Variants in TIMP3 observed in about 807,000 individuals in gnomAD.
TIMP3 encodes the protein TIMP metallopeptidase inhibitor 3.
Under a neutral mutation model 30.0 loss-of-function variants are expected in TIMP3, and 11 were observed. The observed-to-expected ratio is 0.37, with a 90% CI of 0.23 to 0.61. The LOEUF (loss-of-function observed/expected upper bound fraction) is 0.61, where lower values mean the gene tolerates loss of function less well. TIMP3 is among the 20% of genes least tolerant of loss of function. The pLI is 0.70. For missense variants in TIMP3, 181 were observed against 276.8 expected (o/e 0.65, Z 2.45); for synonymous variants, 112 against 111.3 (o/e 1.01, Z -0.04).
Position 32,832,938 on chromosome 22 carries a change from G to T in TIMP3, c.122-16514G>T, listed in dbSNP as rs148147114. ...CGTAGAGACAGGGTTTTACCTTGTT[G>T]CCCAGGCTGGTCTCGCACTCCTGAG... On this transcript the variant is annotated intron_variant, in intron 1 of 4. Coordinates refer to ENST00000266085, the MANE Select transcript of TIMP3 (RefSeq NM_000362.5). Among the ~76,000 whole-genome samples, 863 of 152,046 alleles carry T rather than the reference G, an allele frequency of 5.7e-3. 12 individuals carry two copies. Among genetic ancestry groups the T allele is most frequent in the African/African-American group, 0.02 (824 of 41,458 alleles).
intron 1 of TIMP3, among the ~76,000 whole-genome samples, chr22:32,815,010 G>GT (rs1387280364): frequency 1.3e-5 from 2 of 152,184 alleles, no homozygotes; most frequent in Admixed American, 6.5e-5. Context: ...TTAAAATTAA[G>GT]TTTTTGACAT....
chr22:32,815,797 G>A (rs907805397), intron 1 of TIMP3, among the ~76,000 whole-genome samples: 13 of 152,062 alleles, frequency 8.5e-5, no homozygotes, highest in African/African-American at 3.1e-4. Flanking sequence ...GATTTGAGCC[G>A]GACCTCCTGA....
At chr22:32,825,657 C>CAAAAAAAAAAAA (rs130292) in intron 1 of TIMP3, among the ~76,000 whole-genome samples, 1 of 28,594 alleles carries the variant, frequency 3.5e-5, no homozygotes, top group African/African-American at 1.3e-4. Context: ...GTTTCCATCT[C>CAAAAAAAAAAAA]AAAAAAAAAA....
At chr22:32,812,056 T>C (rs931285917) in intron 1 of TIMP3, among the ~76,000 whole-genome samples, 3 of 152,334 alleles carry the variant, frequency 2.0e-5, no homozygotes, top group Non-Finnish European at 2.9e-5. Flanking sequence ...TAGTTCATCA[T>C]CTGACTCTGG....
chr22:32,836,711 G>GCTA (rs1569264071), intron 1 of TIMP3, among the ~76,000 whole-genome samples: 2 of 152,242 alleles, frequency 1.3e-5, no homozygotes, highest in Non-Finnish European at 2.9e-5. Context: ...GGGGACACCC[G>GCTA]CTGCAGCAGG....
intron 1 of TIMP3, among the ~76,000 whole-genome samples, chr22:32,847,715 G>T (rs2048108666): frequency 6.6e-6 from 1 of 152,236 alleles, no homozygotes; most frequent in Non-Finnish European, 1.5e-5. Context: ...GTGTTTGTGT[G>T]TGTGAAGGGT....
rs2048539670 is a variant in TIMP3 at position 32,861,585 on chromosome 22, G to C, written c.*2208G>C. 1 of 152,628 alleles carries C rather than the reference G, an allele frequency of 6.6e-6. No individual in the cohort carries two copies. The highest frequency in any genetic ancestry group is 1.5e-5 in the Non-Finnish European group (1 of 68,044). 9.5% of individuals were successfully genotyped at this position (152,628 alleles called of 1,614,324 possible). A position where few individuals can be genotyped will look rare whatever the true frequency, so the allele number is the denominator to read the frequency against. ...CCATTCGCACTCCCTGGTGTGGTCA[G>C]CCTCTCTCACACAAGGAGGAACTTG... On this transcript the variant is annotated 3_prime_UTR_variant, in exon 5 of 5. Coordinates refer to ENST00000266085, the MANE Select transcript of TIMP3 (RefSeq NM_000362.5).
At chr22:32,847,463 G>A (rs537043284) in intron 1 of TIMP3, among the ~76,000 whole-genome samples, 1 of 152,162 alleles carries the variant, frequency 6.6e-6, no homozygotes, top group South Asian at 2.1e-4. Context: ...TTTTGCCATC[G>A]CCGGCAGGGA....
In TIMP3 at chr22:32,801,940, C is replaced by A; in HGVS notation, c.-62C>A. On this transcript the variant is annotated 5_prime_UTR_variant, in exon 1 of 5. Transcript: ENST00000266085. The surrounding 1 kb of genome is among the most constrained non-coding windows in gnomAD (Gnocchi z 4.7). ...GCTCGGGCTGCAGCAGCCCCGCCGG[C>A]GGCGCGCACGGCAACTTTGGAGAGG... 6.5e-7 allele frequency: 1 copy of A among 1,528,380 alleles called. No individual in the cohort carries two copies. Among genetic ancestry groups the A allele is most frequent in the Non-Finnish European group, 8.7e-7 (1 of 1,146,202 alleles). The allele number at this position is 1,528,380 out of a possible 1,614,324, so 94.7% of individuals were successfully genotyped here.
At chr22:32,854,332 G>A (rs1456454858) in intron 2 of TIMP3, among the ~76,000 whole-genome samples, 2 of 152,070 alleles carry the variant, frequency 1.3e-5, no homozygotes, top group Admixed American at 6.5e-5. Flanking sequence ...AAGTAGCTGC[G>A]GTGCCAAGCT....
At chr22:32,849,174 G>A (rs2048149887) in intron 1 of TIMP3, among the ~76,000 whole-genome samples, 1 of 152,208 alleles carries the variant, frequency 6.6e-6, no homozygotes, top group Non-Finnish European at 1.5e-5. Context: ...AAAATCCTCA[G>A]GGTCGGCGGG....
intron 1 of TIMP3, chr22:32,833,841 AG>A (rs1297796865): frequency 1.6e-5 from 8 of 501,910 alleles, no homozygotes; most frequent in South Asian, 5.7e-5. Context: ...GAAAGCATTT[AG>A]CACTGATCAT....
At chr22:32,836,958 T>C (rs572390389) in intron 1 of TIMP3, among the ~76,000 whole-genome samples, 1 of 152,296 alleles carries the variant, frequency 6.6e-6, no homozygotes, top group South Asian at 2.1e-4. Context: ...GGGAACAGAT[T>C]TGCTGTCTGC....
At chr22:32,850,885 C>A (rs1356214185) in intron 2 of TIMP3, among the ~76,000 whole-genome samples, 8 of 152,112 alleles carry the variant, frequency 5.3e-5, no homozygotes, top group Admixed American at 3.9e-4. Flanking sequence ...ACGGTGGTAC[C>A]CAACCATCCC....
intron 1 of TIMP3, among the ~76,000 whole-genome samples, chr22:32,804,446 A>G (rs934931244): frequency 6.6e-6 from 1 of 152,090 alleles, no homozygotes; most frequent in African/African-American, 2.4e-5. Context: ...GACCCACACA[A>G]CCCCACCAGT....
At chr22:32,816,156 T>C (rs1010897805) in intron 1 of TIMP3, among the ~76,000 whole-genome samples, 3 of 152,068 alleles carry the variant, frequency 2.0e-5, no homozygotes, top group Non-Finnish European at 4.4e-5. Flanking sequence ...GCCTTCCCAG[T>C]TGGGCGAGGT....
chr22:32,822,937 AAAC>A (rs747695867), intron 1 of TIMP3, among the ~76,000 whole-genome samples: 18,866 of 151,400 alleles, frequency 0.12, 1,308 homozygotes, highest in African/African-American at 0.2. Context: ...AACAAAAAAA[AAAC>A]AGAGAGAGAG....
At chr22:32,826,467 GTAA>G (rs2047416828) in intron 1 of TIMP3, among the ~76,000 whole-genome samples, 2 of 151,976 alleles carry the variant, frequency 1.3e-5, no homozygotes, top group South Asian at 4.1e-4. Flanking sequence ...ATTTAAAAAG[GTAA>G]TAATGTAAGA....
At chr22:32,845,186 T>C (rs1247327663) in intron 1 of TIMP3, among the ~76,000 whole-genome samples, 1 of 152,094 alleles carries the variant, frequency 6.6e-6, no homozygotes, top group Non-Finnish European at 1.5e-5. Context: ...CCTTGGAGAC[T>C]AGTCCTCTAG....
Sources: gnomAD v4.1 joint callset for allele counts (sites outside exome capture counted in the v4.1 genomes callset) on GRCh38, gnomAD v4.1.1 for gene constraint, Gnocchi (gnomAD v3.1) non-coding constraint, MANE v1.5 for transcripts, NCBI Gene and HGNC (gene_info 2026-07-23, HGNC 2026-07-21) for gene names.